The following ALCAM variants were observed in gnomAD, a reference collection of about 807,000 sequenced individuals.
The protein encoded by ALCAM is activated leukocyte cell adhesion molecule.
ALCAM carries 30 observed loss-of-function variants against 70.9 expected under a neutral mutation model. That is an observed-to-expected ratio of 0.42 (90% CI 0.32 to 0.57). The LOEUF (loss-of-function observed/expected upper bound fraction) is 0.57. ALCAM is among the 20% of genes least tolerant of loss of function. ALCAM has a pLI of 0.11. For synonymous variants in ALCAM, 249 were observed against 242.5 expected, an observed-to-expected ratio of 1.03 and a Z score of -0.25; for missense variants, 591 against 695.1, an observed-to-expected ratio of 0.85 and a Z score of 1.68.
Position 105,431,031 on chromosome 3 carries a change from C to T in ALCAM, c.73+63550C>T, listed in dbSNP as rs143369106. On this transcript the variant is annotated intron_variant, in intron 1 of 15. Transcript: ENST00000306107. ...ACGTTAATGGTAATTTAGTGTGAAC[C>T]TAAACTTAAAAATATGCTCATGGGC... Among the ~76,000 whole-genome samples the T allele has an allele frequency of 2.3e-3, 342 of 151,330 alleles. 3 individuals carry two copies. Among genetic ancestry groups the T allele is most frequent in the African/African-American group, 7.7e-3 (318 of 41,178 alleles).
chr3:105,514,694 A>G (rs775626382), intron 1 of ALCAM, among the ~76,000 whole-genome samples: 1 of 151,932 alleles, frequency 6.6e-6, no homozygotes, highest in Non-Finnish European at 1.5e-5. Context: ...ATTTAGTAAC[A>G]TGGGCATTTT....
chr3:105,499,022 A>G (rs1938845426), intron 1 of ALCAM, among the ~76,000 whole-genome samples: 1 of 152,178 alleles, frequency 6.6e-6, no homozygotes, highest in African/African-American at 2.4e-5. Context: ...TTTCAGCAAT[A>G]CAAAGGATAT....
At chr3:105,563,877 C>T (rs1461719372) in intron 14 of ALCAM, among the ~76,000 whole-genome samples, 11 of 147,838 alleles carry the variant, frequency 7.4e-5, no homozygotes, top group African/African-American at 1.5e-4. Flanking sequence ...TTAGTAGAGA[C>T]GGGGTTTCAC....
intron 3 of ALCAM, 108 bp downstream of exon 3, chr3:105,524,616 T>C: frequency 6.6e-7 from 1 of 1,515,274 alleles, no homozygotes; most frequent in Non-Finnish European, 8.8e-7. Flanking sequence ...ATAGCAGGTA[T>C]CTATATAAGG....
chr3:105,394,817 A>G (rs1935909163), intron 1 of ALCAM, among the ~76,000 whole-genome samples: 1 of 151,946 alleles, frequency 6.6e-6, no homozygotes, highest in African/African-American at 2.4e-5. Context: ...TGGCAAACCA[A>G]TGACTATATT....
intron 1 of ALCAM, among the ~76,000 whole-genome samples, chr3:105,517,894 C>G (rs989799901): frequency 8.5e-5 from 13 of 152,098 alleles, no homozygotes; most frequent in African/African-American, 2.7e-4. Flanking sequence ...CCATTAGATG[C>G]TAGGCGTTGT....
chr3:105,454,489 G>A (rs1053464024), intron 1 of ALCAM, among the ~76,000 whole-genome samples: 3 of 151,828 alleles, frequency 2.0e-5, no homozygotes, highest in Non-Finnish European at 4.4e-5. Flanking sequence ...TTTTAGACAG[G>A]GGAGACTGAG....
At chr3:105,499,668 T>C (rs1023312477) in intron 1 of ALCAM, among the ~76,000 whole-genome samples, 3 of 152,222 alleles carry the variant, frequency 2.0e-5, no homozygotes, top group Non-Finnish European at 2.9e-5. Context: ...AGCTGTTTGA[T>C]GTAATTGGTC....
At chr3:105,550,884 T>C (rs1039396733) in intron 12 of ALCAM, among the ~76,000 whole-genome samples, 1 of 151,670 alleles carries the variant, frequency 6.6e-6, no homozygotes, top group East Asian at 1.9e-4. Context: ...GGGTAATACA[T>C]ACATACCAAC....
intron 1 of ALCAM, among the ~76,000 whole-genome samples, chr3:105,456,870 T>G (rs938381793): frequency 2.1e-4 from 32 of 152,350 alleles, no homozygotes; most frequent in African/African-American, 7.5e-4. Context: ...TTTCTCTTTA[T>G]CTGAAGGTTT....
intron 6 of ALCAM, among the ~76,000 whole-genome samples, chr3:105,536,730 G>C (rs1180700581): frequency 3.9e-5 from 6 of 152,110 alleles, no homozygotes; most frequent in Non-Finnish European, 7.4e-5. Context: ...CTCCAGTAGA[G>C]AAACAAGACA....
intron 1 of ALCAM, among the ~76,000 whole-genome samples, chr3:105,473,241 A>G (rs1450784654): frequency 6.6e-6 from 1 of 151,632 alleles, no homozygotes; most frequent in African/African-American, 2.4e-5. Context: ...TAAGAGTTTT[A>G]ATTTGCAGTT....
chr3:105,407,470 C>T (rs2107386039), intron 1 of ALCAM, among the ~76,000 whole-genome samples: 1 of 152,146 alleles, frequency 6.6e-6, no homozygotes, highest in Non-Finnish European at 1.5e-5. Flanking sequence ...CAACAAAAAT[C>T]ACATGATCAT....
At chr3:105,519,770 C>T (rs1174389961) in intron 1 of ALCAM, among the ~76,000 whole-genome samples, 2 of 152,082 alleles carry the variant, frequency 1.3e-5, no homozygotes, top group African/African-American at 4.8e-5. Flanking sequence ...GCAGATTCCA[C>T]GATGTTCCTT....
At chr3:105,486,863 G>A (rs1938442798) in intron 1 of ALCAM, among the ~76,000 whole-genome samples, 1 of 151,964 alleles carries the variant, frequency 6.6e-6, no homozygotes, top group Non-Finnish European at 1.5e-5. Flanking sequence ...ACTTTAAATG[G>A]ATGAATTATG....
At chr3:105,552,774 T>A in intron 14 of ALCAM, 189 bp downstream of exon 14, 1 of 1,405,824 alleles carries the variant, frequency 7.1e-7, no homozygotes, top group Non-Finnish European at 9.3e-7. Flanking sequence ...GGACATGGCT[T>A]GGGATACTGT....
intron 1 of ALCAM, among the ~76,000 whole-genome samples, chr3:105,416,501 T>C (rs1210733493): frequency 6.6e-6 from 1 of 152,018 alleles, no homozygotes. Flanking sequence ...TATAATATAC[T>C]TAGCTCAGTT....
chr3:105,491,670 C>A lies in ALCAM; in HGVS notation c.74-28397C>A, dbSNP rs567406024. Among the ~76,000 whole-genome samples, 13 of 152,282 alleles carry A rather than the reference C, an allele frequency of 8.5e-5. No individual in the cohort carries two copies. The South Asian group carries it at 1.0e-3, about 12-fold the overall frequency. On this transcript the variant is annotated intron_variant, in intron 1 of 15. Transcript: ENST00000306107. ...TTTCCACAGATCTCTAGGGCAGGGG[C>A]AAAATGCCACCAGTCTCTTTGCTAA...
chr3:105,558,591 A>G (rs1360235460), intron 14 of ALCAM, among the ~76,000 whole-genome samples: 2 of 152,142 alleles, frequency 1.3e-5, no homozygotes, highest in Non-Finnish European at 2.9e-5. Context: ...AGATTTCAAA[A>G]CAAGTGTAGA....
Sources: allele counts gnomAD v4.1 joint callset (sites outside exome capture counted in the v4.1 genomes callset), GRCh38; gene constraint gnomAD v4.1.1; transcripts MANE v1.5; gene names NCBI Gene and HGNC (gene_info 2026-07-23, HGNC 2026-07-21).